The following MYO10 variants were observed in gnomAD, a reference collection of about 807,000 sequenced individuals.
MYO10 encodes myosin X, also known as unconventional myosin-X.
Under a neutral mutation model 257.3 loss-of-function variants are expected in MYO10, and 133 were observed. The ratio of observed to expected loss-of-function variants is 0.52; its 90% confidence interval spans 0.45 to 0.60. The LOEUF (loss-of-function observed/expected upper bound fraction) is 0.60. MYO10 is among the 20% of genes least tolerant of loss of function. MYO10 has a pLI of 0.00. For synonymous variants in MYO10, 1,104 were observed against 1,028.6 expected, an observed-to-expected ratio of 1.07 and a Z score of -1.40; for missense variants, 2,399 against 2,635.7, an observed-to-expected ratio of 0.91 and a Z score of 1.97.
intron 32 of MYO10, among the ~76,000 whole-genome samples, chr5:16,680,799 G>C (rs1477608946): frequency 6.6e-6 from 1 of 152,156 alleles, no homozygotes; most frequent in Non-Finnish European, 1.5e-5. Context: ...ATGGAAAACA[G>C]CCTGGCCCAC....
intron 3 of MYO10, chr5:16,815,064 C>T (rs546048385): frequency 1.8e-5 from 3 of 170,776 alleles, no homozygotes; most frequent in Non-Finnish European, 2.5e-5. Flanking sequence ...CATGCTGGCA[C>T]GTGCCTGTAA....
intron 2 of MYO10, among the ~76,000 whole-genome samples, chr5:16,866,570 C>T (rs1744257337): frequency 6.6e-6 from 1 of 152,006 alleles, no homozygotes; most frequent in African/African-American, 2.4e-5. Flanking sequence ...AGTTGCAATA[C>T]AAGAGACATG....
At chr5:16,807,911 T>C (rs182410834) in intron 3 of MYO10, among the ~76,000 whole-genome samples, 1 of 152,290 alleles carries the variant, frequency 6.6e-6, no homozygotes, top group African/African-American at 2.4e-5. Flanking sequence ...CCTGTGTCTG[T>C]CTTCACTAAT....
intron 3 of MYO10, among the ~76,000 whole-genome samples, chr5:16,795,216 G>A (rs916820968): frequency 5.3e-5 from 8 of 152,174 alleles, no homozygotes; most frequent in Admixed American, 2.0e-4. Flanking sequence ...AAAAAGTGAC[G>A]GGACAGAAAG....
At chr5:16,825,495 T>C (rs114108188) in intron 2 of MYO10, among the ~76,000 whole-genome samples, 1,548 of 152,300 alleles carry the variant, frequency 0.01, 22 homozygotes, top group African/African-American at 0.035. Context: ...ATCACAACGT[T>C]TGATGCCTCC....
In MYO10 at chr5:16,670,342, C is replaced by T. The variant is rs866793186; in HGVS notation, c.5883+184G>A. The stretch of plus-strand genomic sequence containing the variant: ...CCTAATATTACAGATGTGTTTACTA[C>T]ACAGGAGAAGAGAAACTGTGAGGAG... On this transcript the variant is annotated intron_variant, in intron 39 of 40. Transcript: ENST00000513610. 5.9e-5 allele frequency among the ~76,000 whole-genome samples: 9 copies of T among 152,100 alleles called. No individual in the cohort carries two copies. The Middle Eastern group carries it at 0.01, about 172-fold the overall frequency.
At chr5:16,876,614 G>GT (rs1744611497) in intron 2 of MYO10, among the ~76,000 whole-genome samples, 4 of 152,138 alleles carry the variant, frequency 2.6e-5, no homozygotes, top group Admixed American at 6.5e-5. Context: ...GAGTGCAGTG[G>GT]TGCAATCTCG....
chr5:16,851,869 G>A (rs1038734162), intron 2 of MYO10, among the ~76,000 whole-genome samples: 2 of 151,946 alleles, frequency 1.3e-5, no homozygotes, highest in Non-Finnish European at 2.9e-5. Flanking sequence ...TGGCCAACAT[G>A]ATGAAACCCT....
chr5:16,728,157 G>A (rs946448859), intron 19 of MYO10, among the ~76,000 whole-genome samples: 1 of 152,080 alleles, frequency 6.6e-6, no homozygotes, highest in Admixed American at 6.5e-5. Context: ...CTGCCTCCTG[G>A]CTTCCTGCCT....
intron 27 of MYO10, 42 bp downstream of exon 27, chr5:16,694,329 C>G: frequency 1.2e-6 from 2 of 1,611,654 alleles, no homozygotes; most frequent in East Asian, 2.2e-5. Context: ...CAGCATAAAC[C>G]ATGAGCAACC....
intron 17 of MYO10, among the ~76,000 whole-genome samples, chr5:16,759,101 G>A (rs908065582): frequency 6.6e-5 from 10 of 151,948 alleles, no homozygotes; most frequent in Non-Finnish European, 1.2e-4. Flanking sequence ...TTTATATTTT[G>A]TAGTAGAGAC....
At chr5:16,731,109 G>A (rs982995150) in intron 19 of MYO10, among the ~76,000 whole-genome samples, 29 of 150,212 alleles carry the variant, frequency 1.9e-4, no homozygotes, top group African/African-American at 6.2e-4. Flanking sequence ...GCAGTGGCAC[G>A]ATCTTGGCTC....
chr5:16,818,420 A>ATACGTATATATATG lies in MYO10; in HGVS notation c.121-254_121-253insCATATATATACGTA, dbSNP rs1561000946. On this transcript the variant is annotated intron_variant, in intron 2 of 40. Transcript: ENST00000513610. ...TGTGTGTGTGTGTGTGTATATATAT[A>ATACGTATATATATG]TATATACACATATCTTTGTTGTTGT... is the stretch of plus-strand genomic sequence containing the variant. Among the ~76,000 whole-genome samples the ATACGTATATATATG allele has an allele frequency of 6.2e-4, 93 of 149,024 alleles. 2 individuals are homozygous for ATACGTATATATATG. The highest frequency in any genetic ancestry group is 2.1e-3 in the African/African-American group (86 of 40,118).
chr5:16,686,659 C>A (rs1193795668), intron 28 of MYO10, among the ~76,000 whole-genome samples: 1 of 152,002 alleles, frequency 6.6e-6, no homozygotes, highest in Non-Finnish European at 1.5e-5. Context: ...CTCAGCCTCT[C>A]GAGTAGCTGG....
chr5:16,812,352 G>A (rs1477099084), intron 3 of MYO10, among the ~76,000 whole-genome samples: 2 of 152,188 alleles, frequency 1.3e-5, no homozygotes, highest in East Asian at 1.9e-4. Context: ...CTTAAACCAC[G>A]CAGTCCAGAC....
At chr5:16,902,855 C>T (rs1275551688) in intron 1 of MYO10, among the ~76,000 whole-genome samples, 1 of 152,198 alleles carries the variant, frequency 6.6e-6, no homozygotes, top group Non-Finnish European at 1.5e-5. Context: ...TCAAAAATTT[C>T]AAATGCATTT....
chr5:16,836,813 T>TA (rs1472240703), intron 2 of MYO10, among the ~76,000 whole-genome samples: 1 of 152,202 alleles, frequency 6.6e-6, no homozygotes, highest in Non-Finnish European at 1.5e-5. Context: ...TAAATACAGT[T>TA]ACCATATGAT....
intron 19 of MYO10, among the ~76,000 whole-genome samples, chr5:16,716,523 T>C (rs149893731): frequency 4.0e-5 from 3 of 75,546 alleles, no homozygotes; most frequent in Non-Finnish European, 8.4e-5. Flanking sequence ...TGACAGTGGA[T>C]TTGGAAACAG....
At chr5:16,930,346 G>T (rs917045816) in intron 1 of MYO10, among the ~76,000 whole-genome samples, 6 of 152,134 alleles carry the variant, frequency 3.9e-5, no homozygotes, top group African/African-American at 7.2e-5. Flanking sequence ...GATCACGTGC[G>T]AGAAAAGAAT....
Sources: allele counts gnomAD v4.1 joint callset (sites outside exome capture counted in the v4.1 genomes callset), GRCh38; gene constraint gnomAD v4.1.1; transcripts MANE v1.5; gene names NCBI Gene and HGNC (gene_info 2026-07-23, HGNC 2026-07-21).